PRPSAP2: variants seen among roughly 807,000 people sequenced by gnomAD.
The protein encoded by PRPSAP2 is phosphoribosyl pyrophosphate synthetase associated protein 2.
In PRPSAP2, 24 loss-of-function variants were observed where a neutral mutation model predicts 40.6. That is an observed-to-expected ratio of 0.59 (90% CI 0.43 to 0.83). PRPSAP2 has a LOEUF of 0.83. Among genes scored for constraint, PRPSAP2 ranks in the 40% least tolerant of loss-of-function variants. The pLI is 0.00. For missense variants in PRPSAP2, 292 were observed against 465.6 expected (o/e 0.63, Z 3.43); for synonymous variants, 149 against 164.7 (o/e 0.90, Z 0.73).
chr17:18,922,878 T>C (rs1462829061), intron 9 of PRPSAP2, among the ~76,000 whole-genome samples: 1 of 151,104 alleles, frequency 6.6e-6, no homozygotes, highest in African/African-American at 2.4e-5. Context: ...TTTCGCCATG[T>C]TGCTCAGGCT....
intron 11 of PRPSAP2, among the ~76,000 whole-genome samples, chr17:18,929,361 T>TAATAAG (rs1482660883): frequency 6.8e-6 from 1 of 146,732 alleles, no homozygotes; most frequent in Non-Finnish European, 1.5e-5. Context: ...TTGTCTCAAA[T>TAATAAG]AATAATAATA....
intron 9 of PRPSAP2, among the ~76,000 whole-genome samples, chr17:18,916,097 C>T (rs1044185796): frequency 3.3e-5 from 5 of 152,038 alleles, no homozygotes; most frequent in African/African-American, 9.7e-5. Flanking sequence ...GGATTACAGG[C>T]GTGAGCCACT....
chr17:18,886,929 C>CTTTTTTTTTTTT (rs71155365), intron 7 of PRPSAP2, among the ~76,000 whole-genome samples: 13 of 75,384 alleles, frequency 1.7e-4, no homozygotes, highest in South Asian at 5.0e-4. Flanking sequence ...TTCTTTTCTT[C>CTTTTTTTTTTTT]TTTTTTTTTT....
At chr17:18,880,133 G>A (rs1199344854) in intron 6 of PRPSAP2, among the ~76,000 whole-genome samples, 1 of 152,058 alleles carries the variant, frequency 6.6e-6, no homozygotes, top group Middle Eastern at 3.2e-3. Context: ...TCAACCCGAA[G>A]CAACCTCAGG....
At chr17:18,922,252 TGTATGA>T (rs2041725041) in intron 9 of PRPSAP2, among the ~76,000 whole-genome samples, 1 of 152,254 alleles carries the variant, frequency 6.6e-6, no homozygotes, top group Non-Finnish European at 1.5e-5. Context: ...TGTATATTCA[TGTATGA>T]GTTTTCTGTG....
At position 18,900,313 on chromosome 17, in the gene PRPSAP2, C is replaced by T. The variant is rs565877535; in HGVS notation, c.584+10436C>T. On this transcript the variant is annotated intron_variant, in intron 8 of 11. Transcript: ENST00000268835. ...CTGGAATTACAGTCATGAGACACTA[C>T]GCCTGGCCTTGGGTCTTTTTTTATA... Among the ~76,000 whole-genome samples the T allele has an allele frequency of 7.9e-5, 12 of 152,354 alleles. 1 individual carries two copies. The South Asian group carries it at 1.2e-3, about 16-fold the overall frequency.
At chr17:18,890,515 C>T (rs2039476177) in intron 8 of PRPSAP2, among the ~76,000 whole-genome samples, 1 of 152,028 alleles carries the variant, frequency 6.6e-6, no homozygotes, top group Admixed American at 6.6e-5. Context: ...CCATGTTGTC[C>T]AGGCAGGTCT....
At chr17:18,909,992 C>T (rs367793053) in intron 8 of PRPSAP2, among the ~76,000 whole-genome samples, 2 of 152,168 alleles carry the variant, frequency 1.3e-5, no homozygotes, top group East Asian at 1.9e-4. Flanking sequence ...TAGAAACAAC[C>T]GGAAAGCTCA....
At position 18,923,976 on chromosome 17, in the gene PRPSAP2, A is replaced by G; in HGVS notation, c.796A>G (p.Ile266Val). The G allele has an allele frequency of 6.2e-7, 1 of 1,613,014 alleles. No homozygotes were observed. Among genetic ancestry groups the G allele is most frequent in the Admixed American group, 1.7e-5 (1 of 60,000 alleles). Residue 266 changes from isoleucine to valine, a missense_variant, in exon 10 of 12, where the codon ATC (isoleucine) becomes GTC (valine). Physicochemically the swap from Ile to Val is conservative, Grantham distance 29 (BLOSUM62 3). Coordinates refer to ENST00000268835, the MANE Select transcript of PRPSAP2 (RefSeq NM_002767.4). ...GGGTGATGTTGGAGGAAGGATTGCCATCATCGTGGTATGTAGACCTCTTTT... is the reference window on the plus strand; with the variant it reads ...GGGTGATGTTGGAGGAAGGATTGCCGTCATCGTGGTATGTAGACCTCTTTT... ...VVGDVGGRIA[I>V]IVDDIIDDVD... is the part of the protein sequence containing the mutation.
At chr17:18,913,729 G>A (rs758171512) in intron 9 of PRPSAP2, among the ~76,000 whole-genome samples, 1 of 150,426 alleles carries the variant, frequency 6.6e-6, no homozygotes, top group Non-Finnish European at 1.5e-5. Context: ...TGTATTTTTT[G>A]TAGAGACAAA....
chr17:18,894,007 A>G (rs1214143815), intron 8 of PRPSAP2, among the ~76,000 whole-genome samples: 2 of 151,938 alleles, frequency 1.3e-5, no homozygotes, highest in East Asian at 3.9e-4. Context: ...ACAGGTGTGC[A>G]CCACTTCACC....
chr17:18,922,068 G>A (rs1247102912), intron 9 of PRPSAP2, among the ~76,000 whole-genome samples: 2 of 152,082 alleles, frequency 1.3e-5, no homozygotes, highest in Admixed American at 1.3e-4. Flanking sequence ...TCATATAAAC[G>A]GAATCATATA....
chr17:18,893,775 G>C (rs989613062), intron 8 of PRPSAP2, among the ~76,000 whole-genome samples: 31 of 152,192 alleles, frequency 2.0e-4, no homozygotes, highest in African/African-American at 7.5e-4. Flanking sequence ...TGGCCAGACT[G>C]GTCTCCAACT....
intron 4 of PRPSAP2, among the ~76,000 whole-genome samples, chr17:18,870,808 CAAAAA>C (rs59205286): frequency 4.0e-5 from 5 of 125,560 alleles, no homozygotes; most frequent in Non-Finnish European, 6.7e-5. Flanking sequence ...GACCTTGTCT[CAAAAA>C]AAAAAAAAAA....
chr17:18,866,300 C>T (rs1246659118), intron 3 of PRPSAP2, among the ~76,000 whole-genome samples: 1 of 152,112 alleles, frequency 6.6e-6, no homozygotes, highest in African/African-American at 2.4e-5. Flanking sequence ...CGCGGTGGCT[C>T]ACGCCTGTAA....
At chr17:18,890,656 G>C (rs1408884872) in intron 8 of PRPSAP2, among the ~76,000 whole-genome samples, 6 of 152,150 alleles carry the variant, frequency 3.9e-5, no homozygotes, top group African/African-American at 9.7e-5. Flanking sequence ...TGGGGAATAC[G>C]ATCTAGTGTT....
At chr17:18,925,099 G>A (rs1239233494) in intron 10 of PRPSAP2, among the ~76,000 whole-genome samples, 2 of 151,640 alleles carry the variant, frequency 1.3e-5, no homozygotes, top group African/African-American at 4.9e-5. Context: ...TAGCCTGGGC[G>A]AAAGAGTGAG....
intron 10 of PRPSAP2, among the ~76,000 whole-genome samples, chr17:18,926,479 G>T (rs920992268): frequency 6.6e-6 from 1 of 151,992 alleles, no homozygotes; most frequent in African/African-American, 2.4e-5. Context: ...ATATTCACCA[G>T]GCTGGTTTCG....
At chr17:18,876,223 AAG>A (rs2038291124) in intron 5 of PRPSAP2, among the ~76,000 whole-genome samples, 3 of 152,340 alleles carry the variant, frequency 2.0e-5, no homozygotes, top group South Asian at 2.1e-4. Flanking sequence ...CTAAAAATAA[AAG>A]AGAAATTTAA....
Sources: gnomAD v4.1 joint callset for allele counts (sites outside exome capture counted in the v4.1 genomes callset) on GRCh38, gnomAD v4.1.1 for gene constraint, MANE v1.5 for transcripts, NCBI Gene and HGNC (gene_info 2026-07-23, HGNC 2026-07-21) for gene names.